HECW2: variants seen among roughly 807,000 people sequenced by gnomAD.
The protein encoded by HECW2 is HECT, C2 and WW domain containing E3 ubiquitin protein ligase 2.
HECW2 carries 61 observed loss-of-function variants against 175.2 expected under a neutral mutation model. The observed-to-expected ratio is 0.35, with a 90% CI of 0.28 to 0.43. The LOEUF (loss-of-function observed/expected upper bound fraction) is 0.43, where lower values mean the gene tolerates loss of function less well. Among genes scored for constraint, HECW2 ranks in the 20% least tolerant of loss-of-function variants. The pLI is 1.00. For synonymous variants in HECW2, 671 were observed against 731.0 expected (o/e 0.92, Z 1.32); for missense variants, 1,524 against 2,000.5 (o/e 0.76, Z 4.54).
At chr2:196,300,729 A>G (rs1299799825) in intron 13 of HECW2, among the ~76,000 whole-genome samples, 1 of 144,868 alleles carries the variant, frequency 6.9e-6, no homozygotes. Flanking sequence ...ACATGCATAT[A>G]TTTATACACA....
intron 17 of HECW2, 41 bp from the exon 18 acceptor site, chr2:196,257,947 C>G (rs764563893): frequency 2.4e-5 from 34 of 1,419,014 alleles, no homozygotes; most frequent in Admixed American, 8.5e-5. Context: ...ATATGGTAGA[C>G]CTTTAGGCTA....
intron 19 of HECW2, among the ~76,000 whole-genome samples, chr2:196,249,256 T>C (rs1031481276): frequency 6.6e-6 from 1 of 152,198 alleles, no homozygotes; most frequent in Admixed American, 6.5e-5. Context: ...ATAAGCCACA[T>C]GGTGTTTGGA....
chr2:196,406,440 A>C (rs1694967875), intron 2 of HECW2, among the ~76,000 whole-genome samples: 1 of 152,194 alleles, frequency 6.6e-6, no homozygotes, highest in Admixed American at 6.5e-5. Flanking sequence ...TTCTATTATT[A>C]GCCCAGTATA....
At chr2:196,260,897 T>C (rs185419038) in intron 17 of HECW2, among the ~76,000 whole-genome samples, 6 of 152,362 alleles carry the variant, frequency 3.9e-5, no homozygotes, top group African/African-American at 1.4e-4. Context: ...AAATTTTGTG[T>C]CTTCACTTCG....
chr2:196,317,203 A>G, intron 10 of HECW2, 71 bp downstream of exon 10: 1 of 1,173,098 alleles, frequency 8.5e-7, no homozygotes, highest in Non-Finnish European at 1.3e-6. Flanking sequence ...TTTGAGACTC[A>G]TGGGAATGGG....
intron 2 of HECW2, among the ~76,000 whole-genome samples, chr2:196,370,872 T>G (rs1693888385): frequency 6.6e-6 from 1 of 152,142 alleles, no homozygotes; most frequent in Non-Finnish European, 1.5e-5. Flanking sequence ...ACAGATTCTC[T>G]CTCTGTGCCA....
chr2:196,390,871 T>C (rs1487447382), intron 2 of HECW2, among the ~76,000 whole-genome samples: 1 of 152,220 alleles, frequency 6.6e-6, no homozygotes, highest in Non-Finnish European at 1.5e-5. Context: ...CTTTCTGTTT[T>C]GAGCTTTGCA....
intron 4 of HECW2, chr2:196,331,157 C>G: frequency 1.0e-6 from 1 of 985,454 alleles, no homozygotes; most frequent in Non-Finnish European, 1.2e-6. Flanking sequence ...CACATGTCCT[C>G]TGCAACACAC....
At chr2:196,332,772 C>G (rs1692414022) in intron 4 of HECW2, among the ~76,000 whole-genome samples, 1 of 152,196 alleles carries the variant, frequency 6.6e-6, no homozygotes, top group Non-Finnish European at 1.5e-5. Context: ...AACAGCCCCA[C>G]TCTTCTAGTT....
At chr2:196,336,311 G>A (rs982004649) in intron 3 of HECW2, among the ~76,000 whole-genome samples, 2 of 152,126 alleles carry the variant, frequency 1.3e-5, no homozygotes, top group South Asian at 2.1e-4. Context: ...TTTCCAAGAC[G>A]AATAGCATGT....
At chr2:196,297,973 A>C (rs1337666571) in intron 13 of HECW2, among the ~76,000 whole-genome samples, 1 of 152,208 alleles carries the variant, frequency 6.6e-6, no homozygotes, top group African/African-American at 2.4e-5. Context: ...CTATCTACAA[A>C]TGATCAATTC....
At chr2:196,419,421 C>T (rs536276269) in intron 2 of HECW2, among the ~76,000 whole-genome samples, 1 of 152,314 alleles carries the variant, frequency 6.6e-6, no homozygotes, top group South Asian at 2.1e-4. Context: ...CTGGAATGAC[C>T]TTTCTTGTGT....
At chr2:196,497,968 A>G (rs1427448022) in intron 1 of HECW2, among the ~76,000 whole-genome samples, 1 of 152,240 alleles carries the variant, frequency 6.6e-6, no homozygotes, top group Admixed American at 6.5e-5. Flanking sequence ...GCATGAAAAT[A>G]GAGAATTTCA....
At chr2:196,412,591 T>C (rs1402483173) in intron 2 of HECW2, among the ~76,000 whole-genome samples, 1 of 152,224 alleles carries the variant, frequency 6.6e-6, no homozygotes, top group African/African-American at 2.4e-5. Flanking sequence ...TGTAATCAAA[T>C]GATAAACTCT....
intron 1 of HECW2, among the ~76,000 whole-genome samples, chr2:196,584,588 TAA>T (rs34608013): frequency 0.037 from 5,470 of 148,550 alleles, 328 homozygotes; most frequent in African/African-American, 0.13. Flanking sequence ...CCCTATAAAT[TAA>T]AAAAAAAAAA....
At chr2:196,315,992 C>T (rs1054911607) in intron 10 of HECW2, 1 of 152,168 alleles carries the variant, frequency 6.6e-6, no homozygotes, top group Non-Finnish European at 1.5e-5. Flanking sequence ...TCCAATTATA[C>T]CTAAATATCT....
intron 1 of HECW2, among the ~76,000 whole-genome samples, chr2:196,512,284 C>T (rs939613465): frequency 2.0e-5 from 3 of 152,186 alleles, no homozygotes; most frequent in Non-Finnish European, 2.9e-5. Flanking sequence ...AAAGACTATA[C>T]GGGGCAAATA....
chr2:196,222,880 T>G (rs1390101468), intron 23 of HECW2, among the ~76,000 whole-genome samples: 1 of 152,220 alleles, frequency 6.6e-6, no homozygotes, highest in Non-Finnish European at 1.5e-5. Flanking sequence ...TCTTCATGGT[T>G]CTTATTCTGA....
chr2:196,426,592 A>G (rs1213279102), intron 2 of HECW2, among the ~76,000 whole-genome samples: 2 of 152,062 alleles, frequency 1.3e-5, no homozygotes, highest in Non-Finnish European at 2.9e-5. Context: ...TAGATAGTTT[A>G]AAGGAAAATA....
Sources: allele counts gnomAD v4.1 joint callset (sites outside exome capture counted in the v4.1 genomes callset), GRCh38; gene constraint gnomAD v4.1.1; transcripts MANE v1.5; gene names NCBI Gene and HGNC (gene_info 2026-07-23, HGNC 2026-07-21).